The following NXPE4 variants were observed in gnomAD, a reference collection of about 807,000 sequenced individuals.
The protein encoded by NXPE4 is NXPE family member 4.
In NXPE4, 42 loss-of-function variants were observed where a neutral mutation model predicts 33.3. That is an observed-to-expected ratio of 1.26 (90% confidence interval 0.98 to 1.63). The LOEUF (loss-of-function observed/expected upper bound fraction) is 1.63. Ranked by LOEUF, NXPE4 falls within the 40% of genes most tolerant of loss-of-function variation. The probability of loss-of-function intolerance (pLI) is 0.00; values close to 1 mark genes in which losing one functional copy is unlikely to be tolerated. For missense variants in NXPE4, 709 were observed against 647.6 expected, an observed-to-expected ratio of 1.09 and a Z score of -1.03; for synonymous variants, 253 against 234.9, an observed-to-expected ratio of 1.08 and a Z score of -0.71.
chr11:114,609,134 G>A, the NXPE4 span, among the ~76,000 whole-genome samples: 2 of 151,996 alleles, frequency 1.3e-5, no homozygotes, highest in Non-Finnish European at 2.9e-5. Context: ...TGGATAATAA[G>A]TATTGCCTCG....
the NXPE4 span, among the ~76,000 whole-genome samples, chr11:114,638,809 G>A: frequency 6.6e-6 from 1 of 151,996 alleles, no homozygotes; most frequent in Non-Finnish European, 1.5e-5. Context: ...GCTGCTGTCT[G>A]ATTGTTCCTC....
At chr11:114,606,779 C>A in the NXPE4 span, among the ~76,000 whole-genome samples, 1 of 151,786 alleles carries the variant, frequency 6.6e-6, no homozygotes, top group African/African-American at 2.4e-5. Context: ...CCACTATTAT[C>A]CAGTCGATAA....
At chr11:114,589,903 C>G (rs1263376983) in intron 2 of NXPE4, among the ~76,000 whole-genome samples, 1 of 152,158 alleles carries the variant, frequency 6.6e-6, no homozygotes, top group African/African-American at 2.4e-5. Flanking sequence ...AGTCTCAATC[C>G]ATCTGGTAGT....
chr11:114,665,480 C>A, the NXPE4 span, among the ~76,000 whole-genome samples: 2 of 152,162 alleles, frequency 1.3e-5, no homozygotes, highest in Non-Finnish European at 2.9e-5. Flanking sequence ...TATATCATTT[C>A]TAAAAAGGAA....
Position 114,580,389 on chromosome 11 carries a change from C to T in NXPE4, c.893-51G>A, listed in dbSNP as rs550455449. 4 of 1,523,286 alleles carry T rather than the reference C, an allele frequency of 2.6e-6. No individual in the cohort carries two copies. In the South Asian group the frequency reaches 3.4e-5, roughly 13 times the overall value. The allele number at this position is 1,523,286 out of a possible 1,614,324, so 94.4% of individuals were successfully genotyped here. ...TCTTCCAAAACATCAAATTACCCGT[C>T]AGTATGTATTAAGAGCCTTCTATCC... On this transcript the variant is annotated intron_variant, in intron 4 of 5. Transcript: ENST00000375478.
chr11:114,578,015 A>G (rs899103180), intron 5 of NXPE4, among the ~76,000 whole-genome samples: 1 of 152,208 alleles, frequency 6.6e-6, no homozygotes, highest in Admixed American at 6.5e-5. Flanking sequence ...ACATGAATAG[A>G]ATAAAATGAA....
chr11:114,669,587 C>A, the NXPE4 span, among the ~76,000 whole-genome samples: 12 of 152,046 alleles, frequency 7.9e-5, no homozygotes, highest in Non-Finnish European at 1.6e-4. Flanking sequence ...CTGAGAATAC[C>A]AAGCTCCAAT....
chr11:114,638,155 G>T, the NXPE4 span, among the ~76,000 whole-genome samples: 4 of 151,854 alleles, frequency 2.6e-5, no homozygotes, highest in African/African-American at 9.7e-5. Context: ...CGGAGGCTTT[G>T]TTCATTTCTT....
At chr11:114,673,991 C>G in the NXPE4 span, among the ~76,000 whole-genome samples, 2 of 151,548 alleles carry the variant, frequency 1.3e-5, no homozygotes, top group African/African-American at 4.8e-5. Flanking sequence ...AGGATAAAGA[C>G]AAAACTAGAA....
chr11:114,663,157 C>T, the NXPE4 span, among the ~76,000 whole-genome samples: 1 of 152,172 alleles, frequency 6.6e-6, no homozygotes, highest in South Asian at 2.1e-4. Flanking sequence ...TGGTGGTAGT[C>T]TGGCAGTACT....
the NXPE4 span, among the ~76,000 whole-genome samples, chr11:114,623,602 C>T: frequency 4.6e-5 from 7 of 152,014 alleles, no homozygotes; most frequent in African/African-American, 1.2e-4. Context: ...TAAGTGTTGC[C>T]TCATGGGTTA....
chr11:114,654,043 A>G, the NXPE4 span, among the ~76,000 whole-genome samples: 2 of 152,174 alleles, frequency 1.3e-5, no homozygotes, highest in Non-Finnish European at 2.9e-5. Context: ...AAATCAAGTT[A>G]TGTTTGGTAA....
chr11:114,673,945 T>C, the NXPE4 span, among the ~76,000 whole-genome samples: 2 of 151,736 alleles, frequency 1.3e-5, no homozygotes, highest in Non-Finnish European at 2.9e-5. Context: ...AATCTCACCA[T>C]GACAATGTCA....
the NXPE4 span, among the ~76,000 whole-genome samples, chr11:114,629,513 A>G: frequency 2.0e-5 from 3 of 151,636 alleles, no homozygotes; most frequent in Non-Finnish European, 4.4e-5. Flanking sequence ...TATTGATGGG[A>G]CATATCTCAA....
At chr11:114,636,248 C>G in the NXPE4 span, among the ~76,000 whole-genome samples, 1 of 152,000 alleles carries the variant, frequency 6.6e-6, no homozygotes, top group Non-Finnish European at 1.5e-5. Context: ...AGTTTATTTG[C>G]GTAGAGGTGT....
At chr11:114,638,792 C>T in the NXPE4 span, among the ~76,000 whole-genome samples, 9 of 152,084 alleles carry the variant, frequency 5.9e-5, no homozygotes, top group South Asian at 8.3e-4. Context: ...TTTCGTGAAC[C>T]GTGAATGCTG....
At chr11:114,606,820 C>T in the NXPE4 span, among the ~76,000 whole-genome samples, 3 of 151,940 alleles carry the variant, frequency 2.0e-5, no homozygotes, top group South Asian at 2.1e-4. Flanking sequence ...ACCACTGTTA[C>T]CCAGTCGATA....
At chr11:114,633,517 G>A in the NXPE4 span, among the ~76,000 whole-genome samples, 1 of 150,582 alleles carries the variant, frequency 6.6e-6, no homozygotes. Flanking sequence ...CAATGTGCAG[G>A]TTAGTTATCC....
chr11:114,582,593 G>C lies in NXPE4; in HGVS notation c.525C>G (p.Val175=), dbSNP rs762949140. ...GGTGGATGAGCAGCAGAGACAGAGAGACCTGGCCCTCCCAGAACAGAGTGA... is the reference window on the plus strand; with the variant it reads ...GGTGGATGAGCAGCAGAGACAGAGACACCTGGCCCTCCCAGAACAGAGTGA... ...VSFTLFWEGQ[V]SLSLLLIHPS... is the part of the protein sequence containing the mutation. Residue 175 remains valine, a synonymous_variant, in exon 3 of 6, where the codon GTC becomes GTG. Transcript: ENST00000375478. The C allele has an allele frequency of 9.3e-6, 15 of 1,614,048 alleles. No individual in the cohort carries two copies. Among genetic ancestry groups the C allele is most frequent in the Non-Finnish European group, 1.3e-5 (15 of 1,180,002 alleles).
Sources: allele counts gnomAD v4.1 joint callset (sites outside exome capture counted in the v4.1 genomes callset), GRCh38; gene constraint gnomAD v4.1.1; transcripts MANE v1.5; gene names NCBI Gene and HGNC (gene_info 2026-07-23, HGNC 2026-07-21).